Variants in PCMTD1 observed in about 807,000 individuals in gnomAD.
PCMTD1 encodes the protein protein-L-isoaspartate (D-aspartate) O-methyltransferase domain containing 1, also known as protein-L-isoaspartate O-methyltransferase domain-containing protein 1.
In PCMTD1, 12 loss-of-function variants were observed where a neutral mutation model predicts 37.6. The ratio of observed to expected loss-of-function variants is 0.32; its 90% CI spans 0.20 to 0.52. The LOEUF is 0.52. Among genes scored for constraint, PCMTD1 ranks in the 20% least tolerant of loss-of-function variants. PCMTD1 has a pLI of 0.97. For missense variants in PCMTD1, 235 were observed against 421.3 expected, an observed-to-expected ratio of 0.56 and a Z score of 3.87; for synonymous variants, 117 against 135.8, an observed-to-expected ratio of 0.86 and a Z score of 0.96.
At position 51,818,640 on chromosome 8, in the gene PCMTD1, C is replaced by G. The variant is rs1358310206; in HGVS notation, c.*1711G>C. 6.6e-6 allele frequency: 1 copy of G among 152,334 alleles called. No homozygotes were observed. The highest frequency in any genetic ancestry group is 6.5e-5 in the Admixed American group (1 of 15,294). The allele number at this position is 152,334 out of a possible 1,614,324, so 9.4% of individuals were successfully genotyped here. ...CATTTCTTAACAGTTTAGTAATCGT[C>G]TAAGAATAATTGTAGAAATAACCCC... On this transcript the variant is annotated 3_prime_UTR_variant, in exon 6 of 6. Transcript: ENST00000522514.
At chr8:51,875,962 C>CTGTGTG (rs982300718) in intron 1 of PCMTD1, among the ~76,000 whole-genome samples, 2 of 86,666 alleles carry the variant, frequency 2.3e-5, no homozygotes, top group African/African-American at 5.8e-5. Flanking sequence ...GTGTGTGTGT[C>CTGTGTG]TGTGTGTGTG....
Position 51,819,202 on chromosome 8 carries a change from A to G in PCMTD1, c.*1149T>C, listed in dbSNP as rs569097068. 6.6e-6 allele frequency: 1 copy of G among 152,286 alleles called. No individual in the cohort carries two copies. The highest frequency in any genetic ancestry group is 6.5e-5 in the Admixed American group (1 of 15,294). 9.4% of individuals were successfully genotyped at this position (152,286 alleles called of 1,614,324 possible). On this transcript the variant is annotated 3_prime_UTR_variant, in exon 6 of 6. Coordinates refer to ENST00000522514, the MANE Select transcript of PCMTD1 (RefSeq NM_052937.4). ...AAGAAACACAAAAAATATGGGAAGG[A>G]GTGAAATGAACATGGCATAGGTCCC...
intron 2 of PCMTD1, among the ~76,000 whole-genome samples, chr8:51,847,813 C>G (rs1277550968): frequency 6.6e-6 from 1 of 152,010 alleles, no homozygotes; most frequent in African/African-American, 2.4e-5. Context: ...CACGGTGACT[C>G]ACACCTATAA....
intron 1 of PCMTD1, among the ~76,000 whole-genome samples, chr8:51,864,111 T>C (rs2038515535): frequency 6.6e-6 from 1 of 152,066 alleles, no homozygotes; most frequent in African/African-American, 2.4e-5. Flanking sequence ...CACGGATGAC[T>C]ATACTTCCAT....
At chr8:51,851,348 A>AG (rs2038304770) in intron 2 of PCMTD1, among the ~76,000 whole-genome samples, 1 of 152,184 alleles carries the variant, frequency 6.6e-6, no homozygotes, top group Non-Finnish European at 1.5e-5. Context: ...TTTACATAAG[A>AG]TCTCAAAGTG....
At chr8:51,875,195 G>T (rs1014319542) in intron 1 of PCMTD1, among the ~76,000 whole-genome samples, 18 of 152,110 alleles carry the variant, frequency 1.2e-4, no homozygotes, top group African/African-American at 1.2e-4. Flanking sequence ...AGAAACTTAT[G>T]ACAGCTTGTA....
chr8:51,843,063 A>G (rs996155034), intron 3 of PCMTD1, among the ~76,000 whole-genome samples: 3 of 152,198 alleles, frequency 2.0e-5, no homozygotes, highest in African/African-American at 7.2e-5. Flanking sequence ...AAACTTGAAA[A>G]TAAGTTTAAC....
Position 51,861,381 on chromosome 8 carries a change from CCTT to C in PCMTD1, c.-95-138_-95-136del, listed in dbSNP as rs200850181. The stretch of plus-strand genomic sequence containing the variant: ...TTCTGCTCCAGCATAGTGTTAAACT[CCTT>C]CTTAACTATATTATTTTATTTAATT... On this transcript the variant is annotated intron_variant, in intron 1 of 5. Transcript: ENST00000522514. 8.4e-3 allele frequency: 4,892 copies of C among 583,030 alleles called. 29 individuals carry two copies. The highest frequency in any genetic ancestry group is 9.2e-3 in the Non-Finnish European group (3,323 of 362,908). The allele number at this position is 583,030 out of a possible 1,614,324, so 36.1% of individuals were successfully genotyped here. A position where few individuals can be genotyped will look rare whatever the true frequency, so the allele number is the denominator to read the frequency against.
At chr8:51,840,615 T>A (rs1327275543) in intron 3 of PCMTD1, among the ~76,000 whole-genome samples, 5 of 152,082 alleles carry the variant, frequency 3.3e-5, no homozygotes, top group African/African-American at 1.2e-4. Flanking sequence ...GTAATTCTCA[T>A]AAAGATGAAG....
intron 1 of PCMTD1, among the ~76,000 whole-genome samples, chr8:51,880,670 T>C (rs147725497): frequency 6.6e-6 from 1 of 152,318 alleles, no homozygotes; most frequent in East Asian, 1.9e-4. Flanking sequence ...TACTTTTTTC[T>C]CTGACCTGAT....
chr8:51,826,590 T>C (rs16916856), intron 5 of PCMTD1, among the ~76,000 whole-genome samples: 16,554 of 152,242 alleles, frequency 0.11, 1,239 homozygotes, highest in East Asian at 0.17. Context: ...TTAGGCTCCA[T>C]TTGTTTCCCA....
intron 5 of PCMTD1, among the ~76,000 whole-genome samples, chr8:51,825,861 T>C (rs1203154440): frequency 1.3e-5 from 2 of 152,058 alleles, no homozygotes; most frequent in South Asian, 2.1e-4. Flanking sequence ...CAACAGATGC[T>C]CGAGAGGATG....
chr8:51,881,153 T>C (rs1239817467), intron 1 of PCMTD1, among the ~76,000 whole-genome samples: 5 of 152,248 alleles, frequency 3.3e-5, no homozygotes, highest in Admixed American at 3.3e-4. Flanking sequence ...TTCACTCATC[T>C]TGCAAACTTC....
chr8:51,833,731 A>T (rs766456390), intron 3 of PCMTD1, 42 bp from the exon 4 acceptor site: 2 of 1,546,600 alleles, frequency 1.3e-6, no homozygotes, highest in Admixed American at 3.7e-5. Flanking sequence ...TAAGCAAAAC[A>T]TTAGATCTAA....
At chr8:51,881,292 T>C (rs1361555306) in intron 1 of PCMTD1, among the ~76,000 whole-genome samples, 1 of 152,208 alleles carries the variant, frequency 6.6e-6, no homozygotes, top group East Asian at 1.9e-4. Flanking sequence ...CAAGCTTAAC[T>C]GGATTTTCAA....
chr8:51,837,973 C>T (rs2038091605), intron 3 of PCMTD1, among the ~76,000 whole-genome samples: 1 of 151,814 alleles, frequency 6.6e-6, no homozygotes, highest in South Asian at 2.1e-4. Flanking sequence ...AGAGATGGGG[C>T]TGTACTAGTA....
chr8:51,832,997 C>T (rs1224200162), intron 4 of PCMTD1, among the ~76,000 whole-genome samples: 4 of 152,178 alleles, frequency 2.6e-5, no homozygotes, highest in African/African-American at 9.7e-5. Flanking sequence ...AGGTGCATCA[C>T]CACGCCTGGA....
intron 1 of PCMTD1, among the ~76,000 whole-genome samples, chr8:51,878,884 G>C (rs543419627): frequency 1.8e-4 from 27 of 152,328 alleles, no homozygotes; most frequent in African/African-American, 6.3e-4. Flanking sequence ...CAGCACTTTG[G>C]GAGGTCAAGG....
chr8:51,827,980 A>G (rs1317618725), intron 5 of PCMTD1, among the ~76,000 whole-genome samples: 6 of 66,452 alleles, frequency 9.0e-5, no homozygotes, highest in Admixed American at 5.1e-4. Context: ...CATTCACAGC[A>G]TATTATCTGT....
Sources: gnomAD v4.1 joint callset for allele counts (sites outside exome capture counted in the v4.1 genomes callset) on GRCh38, gnomAD v4.1.1 for gene constraint, MANE v1.5 for transcripts, NCBI Gene and HGNC (gene_info 2026-07-23, HGNC 2026-07-21) for gene names.